Variants in ZMYND12 observed in about 807,000 individuals in gnomAD.
ZMYND12 encodes zinc finger MYND-type containing 12.
Under a neutral mutation model 41.7 loss-of-function variants are expected in ZMYND12, and 32 were observed. The ratio of observed to expected loss-of-function variants is 0.77; its 90% confidence interval spans 0.58 to 1.03. The LOEUF is 1.03. Ranked by LOEUF, ZMYND12 falls within the 50% of genes least tolerant of loss-of-function variation. The pLI is 0.00. For missense variants in ZMYND12, 424 were observed against 438.5 expected, an observed-to-expected ratio of 0.97 and a Z score of 0.30; for synonymous variants, 148 against 164.8, an observed-to-expected ratio of 0.90 and a Z score of 0.78.
At chr1:42,438,263 T>C (rs1324358395) in intron 4 of ZMYND12, among the ~76,000 whole-genome samples, 2 of 152,174 alleles carry the variant, frequency 1.3e-5, no homozygotes, top group Non-Finnish European at 2.9e-5. Context: ...TGCCTGAAGA[T>C]AGTTTAGTGG....
At chr1:42,442,353 G>T (rs1024580789) in intron 3 of ZMYND12, among the ~76,000 whole-genome samples, 3 of 152,088 alleles carry the variant, frequency 2.0e-5, no homozygotes, top group African/African-American at 7.2e-5. Context: ...AAGAGGAGGA[G>T]ATCAAAAAGA....
At chr1:42,440,938 G>C (rs563772991) in intron 3 of ZMYND12, among the ~76,000 whole-genome samples, 13 of 152,230 alleles carry the variant, frequency 8.5e-5, no homozygotes, top group African/African-American at 3.1e-4. Flanking sequence ...AAAGTGCTGG[G>C]AATACAGGCG....
At chr1:42,447,728 A>C (rs1398016483) in intron 3 of ZMYND12, among the ~76,000 whole-genome samples, 1 of 152,180 alleles carries the variant, frequency 6.6e-6, no homozygotes, top group Non-Finnish European at 1.5e-5. Context: ...ACTTTTAAAA[A>C]AGTTTTACTT....
At chr1:42,446,146 GA>G (rs1557769888) in intron 3 of ZMYND12, among the ~76,000 whole-genome samples, 1 of 152,166 alleles carries the variant, frequency 6.6e-6, no homozygotes. Context: ...CATGGAGCGG[GA>G]AGAGGTATCT....
At position 42,430,767 on chromosome 1, in the gene ZMYND12, A is replaced by T. The variant is rs1427189906; in HGVS notation, c.1067T>A (p.Leu356His). ...EQSTIQELLS[L>H]ISTEDHPIT ...AATGGGATGGTCTTCAGTTGAAATG[A>T]GACTTAATAACTCTTGAATGGTGCT... is the stretch of plus-strand genomic sequence containing the variant. The change falls in exon 8 of 8, where the codon CTC (leucine) becomes CAC (histidine). Residue 356 changes from leucine to histidine, a missense_variant. By Grantham distance (99) the Leu-to-His change is moderately conservative. Coordinates refer to ENST00000372565, the MANE Select transcript of ZMYND12 (RefSeq NM_032257.5). 1 of 1,614,184 alleles carries T rather than the reference A, an allele frequency of 6.2e-7. No homozygotes were observed. The highest frequency in any genetic ancestry group is 8.5e-7 in the Non-Finnish European group (1 of 1,180,034).
At chr1:42,440,364 T>C (rs919834188) in intron 3 of ZMYND12, among the ~76,000 whole-genome samples, 14 of 152,228 alleles carry the variant, frequency 9.2e-5, no homozygotes, top group African/African-American at 3.1e-4. Context: ...GAAAACACTA[T>C]ACTAAGTGAA....
chr1:42,432,782 A>G, intron 7 of ZMYND12: 1 of 204,038 alleles, frequency 4.9e-6, no homozygotes, highest in South Asian at 1.2e-4. Flanking sequence ...TTTCATGGCA[A>G]TGCATTTCTG....
In ZMYND12 at chr1:42,440,041, AAAG is replaced by A. The variant is rs746736869; in HGVS notation, c.425-19_425-17del. 82 of 1,585,650 alleles carry A rather than the reference AAAG, an allele frequency of 5.2e-5. No homozygotes were observed. Among genetic ancestry groups the A allele is most frequent in the Non-Finnish European group, 6.3e-5 (74 of 1,169,440 alleles). On this transcript the variant is annotated splice_polypyrimidine_tract_variant and intron_variant, in intron 3 of 7. Transcript: ENST00000372565. ...CGGCCCAGACCTGCCCAAAAGCAGA[AAAG>A]AAGGTTATAATTCATATCCAGGCCA... is the stretch of plus-strand genomic sequence containing the variant.
intron 4 of ZMYND12, among the ~76,000 whole-genome samples, chr1:42,438,549 A>G (rs933639394): frequency 3.9e-5 from 6 of 152,062 alleles, no homozygotes; most frequent in Non-Finnish European, 7.4e-5. Context: ...AGCAGAGAGA[A>G]TCAGTACCCC....
At chr1:42,439,272 T>TC (rs1284160732) in intron 4 of ZMYND12, among the ~76,000 whole-genome samples, 2 of 55,430 alleles carry the variant, frequency 3.6e-5, no homozygotes, top group Admixed American at 1.5e-4. Context: ...TCTCTCTCTC[T>TC]TTTTTTTTTT....
chr1:42,448,125 G>A (rs1224509476), intron 3 of ZMYND12, among the ~76,000 whole-genome samples: 1 of 102,976 alleles, frequency 9.7e-6, no homozygotes, highest in Non-Finnish European at 2.1e-5. Flanking sequence ...TAGCAAAGCA[G>A]ATAGATACCC....
chr1:42,448,820 A>G (rs1388777202), intron 2 of ZMYND12, among the ~76,000 whole-genome samples, 182 bp from the exon 3 acceptor site: 2 of 152,232 alleles, frequency 1.3e-5, no homozygotes, highest in African/African-American at 4.8e-5. Flanking sequence ...ACTCTGGACT[A>G]TGAGTTCCTT....
chr1:42,433,929 T>C (rs1642881119), intron 6 of ZMYND12, among the ~76,000 whole-genome samples: 1 of 152,202 alleles, frequency 6.6e-6, no homozygotes, highest in Non-Finnish European at 1.5e-5. Context: ...CATGTTAAGG[T>C]TGGCTATCTT....
chr1:42,442,305 C>A (rs193146152), intron 3 of ZMYND12, among the ~76,000 whole-genome samples: 9 of 152,086 alleles, frequency 5.9e-5, no homozygotes, highest in African/African-American at 2.2e-4. Flanking sequence ...ATAGTTCGGA[C>A]AAGCACGCTT....
chr1:42,444,927 C>T (rs1409904453), intron 3 of ZMYND12, among the ~76,000 whole-genome samples: 2 of 151,020 alleles, frequency 1.3e-5, no homozygotes, highest in African/African-American at 4.9e-5. Context: ...CCTGCTCCAG[C>T]CTCCAGAGTA....
rs537122585 is a variant in ZMYND12, at chr1:42,440,488, A to AGTCCAATGCAAGGGAGGCACTAACAGGGG, written c.425-492_425-464dup. On this transcript the variant is annotated intron_variant, in intron 3 of 7. Coordinates refer to ENST00000372565, the MANE Select transcript of ZMYND12 (RefSeq NM_032257.5). ...CTAGTGGTGGCCAGGCGACAGGGGG[A>AGTCCAATGCAAGGGAGGCACTAACAGGGG]GTCCAATGCAAGGGAGGCACTAACA... is the stretch of plus-strand genomic sequence containing the variant. Among the ~76,000 whole-genome samples, 1,408 of 151,798 alleles carry AGTCCAATGCAAGGGAGGCACTAACAGGGG rather than the reference A, an allele frequency of 9.3e-3. 15 individuals are homozygous for AGTCCAATGCAAGGGAGGCACTAACAGGGG. Among genetic ancestry groups the AGTCCAATGCAAGGGAGGCACTAACAGGGG allele is most frequent in the African/African-American group, 0.033 (1,359 of 41,102 alleles).
chr1:42,455,912 GCGCACACCCGCTCGGCTGGGGCTT>G lies in ZMYND12; in HGVS notation c.62_85del (p.Glu21_Cys28del). ...CCAGTAATAAGTGACTGTGCAGGCC[GCGCACACCCGCTCGGCTGGGGCTT>G]CGCACACCTCACAGCAGAGTCTGCG... is the stretch of plus-strand genomic sequence containing the variant. On this transcript the variant is annotated inframe_deletion, in exon 1 of 8. Coordinates refer to ENST00000372565, the MANE Select transcript of ZMYND12 (RefSeq NM_032257.5). 3.7e-6 allele frequency: 6 copies of G among 1,613,500 alleles called. No individual in the cohort carries two copies. The highest frequency in any genetic ancestry group is 5.1e-6 in the Non-Finnish European group (6 of 1,179,790).
rs1251077996 is a variant in ZMYND12, at chr1:42,435,402, T to C, written c.718-17A>G. The stretch of plus-strand genomic sequence containing the variant: ...CTCAGAGACCTGTTGGGAAAAGAGA[T>C]GGTAATACAACAAGCAGGCCAGACC... On this transcript the variant is annotated splice_polypyrimidine_tract_variant and intron_variant, in intron 5 of 7. Coordinates refer to ENST00000372565, the MANE Select transcript of ZMYND12 (RefSeq NM_032257.5). The C allele has an allele frequency of 1.3e-6, 2 of 1,589,744 alleles. No homozygotes were observed. The highest frequency in any genetic ancestry group is 1.7e-6 in the Non-Finnish European group (2 of 1,158,076).
At chr1:42,437,374 T>A (rs982738710) in intron 4 of ZMYND12, among the ~76,000 whole-genome samples, 5 of 151,984 alleles carry the variant, frequency 3.3e-5, no homozygotes, top group African/African-American at 1.2e-4. Flanking sequence ...ACTCTGTAAA[T>A]TTGCTAAAAA....
Sources: allele counts gnomAD v4.1 joint callset (sites outside exome capture counted in the v4.1 genomes callset), GRCh38; gene constraint gnomAD v4.1.1; transcripts MANE v1.5; gene names NCBI Gene and HGNC (gene_info 2026-07-23, HGNC 2026-07-21).